DNAH3: variants seen among roughly 807,000 people sequenced by gnomAD.
The protein encoded by DNAH3 is axonemal beta dynein heavy chain 3.
In DNAH3, 332 loss-of-function variants were observed where a neutral mutation model predicts 432.5. The observed-to-expected ratio is 0.77, with a 90% confidence interval of 0.70 to 0.84. The LOEUF is 0.84. Among genes scored for constraint, DNAH3 ranks in the 40% least tolerant of loss-of-function variants. The pLI is 0.00. For synonymous variants in DNAH3, 1,956 were observed against 1,900.2 expected (o/e 1.03, Z -0.76); for missense variants, 4,861 against 5,114.0 (o/e 0.95, Z 1.51).
chr16:20,948,631 C>T (rs2152573786), exon 57 of DNAH3: 4 of 1,614,104 alleles, frequency 2.5e-6, no homozygotes, highest in Middle Eastern at 1.7e-4. Flanking sequence ...TCCGTAATTA[C>T]ATTCCCCTGG....
chr16:21,040,014 G>T, intron 32 of DNAH3, 71 bp from the exon 33 acceptor site: 1 of 1,263,184 alleles, frequency 7.9e-7, no homozygotes, highest in Non-Finnish European at 1.2e-6. Flanking sequence ...ATTCACAGAA[G>T]CAAAGGGAAG....
chr16:21,086,851 G>A lies in DNAH3; in HGVS notation c.2875C>T (p.Gln959Ter). Residue 959 changes from glutamine (Q) to a stop codon, truncating the protein, a stop_gained and splice_region_variant, in exon 19 of 62, where the codon CAG becomes TAG. Coordinates refer to ENST00000261383, the Ensembl canonical transcript of DNAH3. LOFTEE classifies it high-confidence loss of function. The stretch of plus-strand genomic sequence containing the variant: ...GGCGGGCAGTGATTGATAGAAACCT[G>A]CTGCCAGTGTCGGTCTTTCATTCCT... 6.2e-7 allele frequency: 1 copy of A among 1,613,952 alleles called. No homozygotes were observed. The highest frequency in any genetic ancestry group is 8.5e-7 in the Non-Finnish European group (1 of 1,179,830).
At chr16:20,936,582 A>G in intron 60 of DNAH3, 67 bp downstream of exon 60, 1 of 1,441,356 alleles carries the variant, frequency 6.9e-7, no homozygotes, top group South Asian at 1.3e-5. Context: ...CTAGTCTGCC[A>G]TTTCAGAATG....
intron 1 of DNAH3, among the ~76,000 whole-genome samples, chr16:21,156,180 ATTTTATTTTATTTTATTTTATTTAT>A (rs2092896023): frequency 1.4e-5 from 2 of 147,264 alleles, no homozygotes; most frequent in African/African-American, 2.5e-5. Flanking sequence ...ATTTTATTTT[ATTTTATTTTATTTTATTTTATTTAT>A]TTTATTTTAT....
chr16:21,061,932 C>T (rs2639774), intron 25 of DNAH3, among the ~76,000 whole-genome samples: 33,620 of 152,064 alleles, frequency 0.22, 3,923 homozygotes, highest in East Asian at 0.46. Context: ...AGTTTATACG[C>T]GTGGGTGGCA....
exon 33 of DNAH3, chr16:21,039,929 T>C: frequency 6.2e-7 from 1 of 1,613,694 alleles, no homozygotes; most frequent in Non-Finnish European, 8.5e-7. Flanking sequence ...TCATGGCCAC[T>C]GTCCGGAACA....
chr16:21,019,652 G>A (rs1228154930), exon 41 of DNAH3: 2 of 1,614,060 alleles, frequency 1.2e-6, no homozygotes, highest in Admixed American at 3.3e-5. Flanking sequence ...TGTTTTTGGT[G>A]AGTTTGACGC....
intron 19 of DNAH3, among the ~76,000 whole-genome samples, chr16:21,082,339 C>A (rs1006020385): frequency 1.3e-5 from 2 of 152,148 alleles, no homozygotes; most frequent in African/African-American, 4.8e-5. Context: ...CACTGGCATA[C>A]AACACCATGC....
intron 44 of DNAH3, among the ~76,000 whole-genome samples, chr16:20,991,462 C>T (rs1215417025): frequency 1.3e-5 from 2 of 152,104 alleles, no homozygotes; most frequent in Admixed American, 6.6e-5. Flanking sequence ...TGGGGTTTTG[C>T]CATATTGGCC....
At chr16:21,045,036 G>C (rs191936051) in intron 31 of DNAH3, among the ~76,000 whole-genome samples, 49,643 of 152,010 alleles carry the variant, frequency 0.33, 8,502 homozygotes, top group South Asian at 0.47. Context: ...ACTTGATCAG[G>C]GTGGATAAGC....
intron 8 of DNAH3, among the ~76,000 whole-genome samples, chr16:21,126,138 T>G (rs2092441241): frequency 6.6e-6 from 1 of 152,074 alleles, no homozygotes. Context: ...CACTCCAACT[T>G]GAGTGACAGA....
chr16:21,097,953 T>C (rs1228093931), intron 17 of DNAH3, among the ~76,000 whole-genome samples: 1 of 152,194 alleles, frequency 6.6e-6, no homozygotes, highest in Non-Finnish European at 1.5e-5. Flanking sequence ...GTGAGGATAA[T>C]AACAGTACCT....
chr16:20,994,231 A>G (rs907295151), intron 44 of DNAH3, among the ~76,000 whole-genome samples: 1 of 152,078 alleles, frequency 6.6e-6, no homozygotes, highest in Non-Finnish European at 1.5e-5. Context: ...AGAGTTTGAG[A>G]CCAGCCTGGC....
chr16:21,150,625 C>A, intron 1 of DNAH3, 91 bp from the exon 2 acceptor site: 1 of 187,616 alleles, frequency 5.3e-6, no homozygotes, highest in South Asian at 1.0e-4. Flanking sequence ...AGTCCCCCAG[C>A]GGTGGCCACG....
At chr16:21,103,247 C>T (rs2091876478) in intron 16 of DNAH3, among the ~76,000 whole-genome samples, 2 of 150,932 alleles carry the variant, frequency 1.3e-5, no homozygotes, top group South Asian at 4.2e-4. Context: ...GCACCAAAAT[C>T]TCAGAAATCA....
chr16:20,993,620 T>C (rs762055370), intron 44 of DNAH3, among the ~76,000 whole-genome samples: 1 of 152,226 alleles, frequency 6.6e-6, no homozygotes, highest in Non-Finnish European at 1.5e-5. Context: ...ACACTTAAAG[T>C]TGATCTAACT....
At chr16:20,987,817 G>T (rs200195828) in exon 46 of DNAH3, 1 of 1,614,112 alleles carries the variant, frequency 6.2e-7, no homozygotes, top group East Asian at 2.2e-5. Flanking sequence ...TCTATAAATT[G>T]TCTTAGTAGC....
intron 32 of DNAH3, among the ~76,000 whole-genome samples, chr16:21,041,701 C>G (rs2089450284): frequency 6.6e-6 from 1 of 152,148 alleles, no homozygotes; most frequent in Non-Finnish European, 1.5e-5. Context: ...TGGAGTTTCA[C>G]TCTTATCTCC....
At chr16:21,036,847 C>A (rs1025778814) in exon 35 of DNAH3, 1 of 1,607,340 alleles carries the variant, frequency 6.2e-7, no homozygotes, top group Non-Finnish European at 8.5e-7. Context: ...AGATATAATT[C>A]CCTGTTAAAA....
Sources: gnomAD v4.1 joint callset for allele counts (sites outside exome capture counted in the v4.1 genomes callset) on GRCh38, gnomAD v4.1.1 for gene constraint, MANE v1.5 for transcripts, NCBI Gene and HGNC (gene_info 2026-07-23, HGNC 2026-07-21) for gene names.